Variants in EXOC6 observed in about 807,000 individuals in gnomAD.
EXOC6 encodes exocyst complex component 6.
EXOC6 carries 60 observed loss-of-function variants against 112.5 expected under a neutral mutation model. That is an observed-to-expected ratio of 0.53 (90% CI 0.43 to 0.66). The LOEUF (loss-of-function observed/expected upper bound fraction) is 0.66. Among genes scored for constraint, EXOC6 ranks in the 30% least tolerant of loss-of-function variants. The probability of loss-of-function intolerance (pLI) is 0.00; values close to 1 mark genes in which losing one functional copy is unlikely to be tolerated. For synonymous variants in EXOC6, 295 were observed against 308.0 expected (o/e 0.96, Z 0.44); for missense variants, 855 against 957.1 (o/e 0.89, Z 1.41).
intron 20 of EXOC6, among the ~76,000 whole-genome samples, chr10:93,037,145 T>C (rs1240276220): frequency 1.5e-5 from 2 of 137,164 alleles, no homozygotes; most frequent in East Asian, 2.0e-4. Context: ...CTTCTTCTAC[T>C]TTTTTTTTTT....
chr10:92,868,226 T>G (rs1848272409), intron 1 of EXOC6, among the ~76,000 whole-genome samples: 1 of 152,154 alleles, frequency 6.6e-6, no homozygotes, highest in African/African-American at 2.4e-5. Flanking sequence ...CATCTGATTC[T>G]GTTTGCATTT....
chr10:92,867,839 A>G (rs548502601), intron 1 of EXOC6, among the ~76,000 whole-genome samples: 2 of 152,282 alleles, frequency 1.3e-5, no homozygotes, highest in East Asian at 1.9e-4. Context: ...ACAAAAATAT[A>G]TCTGCATTTT....
intron 1 of EXOC6, among the ~76,000 whole-genome samples, chr10:92,837,197 T>C (rs942394412): frequency 6.6e-6 from 1 of 151,990 alleles, no homozygotes; most frequent in African/African-American, 2.4e-5. Flanking sequence ...AATATTCCAT[T>C]GTGAATCCCC....
chr10:92,972,892 C>G (rs1842356242), intron 17 of EXOC6, among the ~76,000 whole-genome samples: 1 of 152,162 alleles, frequency 6.6e-6, no homozygotes, highest in Non-Finnish European at 1.5e-5. Flanking sequence ...GTACACAGCC[C>G]TATGTATGTA....
At chr10:93,043,559 TC>T (rs376474150) in intron 20 of EXOC6, among the ~76,000 whole-genome samples, 20 of 152,346 alleles carry the variant, frequency 1.3e-4, no homozygotes, top group African/African-American at 4.6e-4. Flanking sequence ...TTGAGTTTTT[TC>T]TGATGGCCTA....
chr10:92,935,270 T>C (rs1852279394), intron 11 of EXOC6, among the ~76,000 whole-genome samples: 1 of 151,990 alleles, frequency 6.6e-6, no homozygotes, highest in African/African-American at 2.4e-5. Context: ...CAGCTCTGAA[T>C]ATATAAAATT....
intron 20 of EXOC6, among the ~76,000 whole-genome samples, chr10:93,051,382 G>C (rs1188642977): frequency 6.6e-6 from 1 of 152,230 alleles, no homozygotes; most frequent in Non-Finnish European, 1.5e-5. Context: ...AAGTCTAGCA[G>C]ATGGGACATT....
chr10:92,841,456 A>G (rs1846847968), intron 1 of EXOC6, among the ~76,000 whole-genome samples: 1 of 152,232 alleles, frequency 6.6e-6, no homozygotes, highest in Non-Finnish European at 1.5e-5. Flanking sequence ...ACCTGATTTA[A>G]TCTCTAATGA....
chr10:92,856,907 CTGTTA>C, intron 1 of EXOC6, among the ~76,000 whole-genome samples: 1 of 152,224 alleles, frequency 6.6e-6, no homozygotes, highest in African/African-American at 2.4e-5. Flanking sequence ...GTTTTAAAGT[CTGTTA>C]TGTCAGATAT....
chr10:92,973,831 A>G (rs926660370), intron 17 of EXOC6, among the ~76,000 whole-genome samples: 8 of 152,226 alleles, frequency 5.3e-5, no homozygotes, highest in African/African-American at 1.9e-4. Flanking sequence ...ATAAAGACAA[A>G]AAAAGGTGAT....
At chr10:93,004,197 T>C (rs990340775) in intron 19 of EXOC6, among the ~76,000 whole-genome samples, 1 of 152,176 alleles carries the variant, frequency 6.6e-6, no homozygotes, top group African/African-American at 2.4e-5. Context: ...AAAGAGTGAA[T>C]GAGTAAAGGT....
intron 1 of EXOC6, among the ~76,000 whole-genome samples, chr10:92,854,987 A>G (rs1178840650): frequency 6.6e-6 from 1 of 152,088 alleles, no homozygotes; most frequent in Non-Finnish European, 1.5e-5. Context: ...CCTAGGATAA[A>G]TCTCATTTGG....
At position 92,951,210 on chromosome 10, in the gene EXOC6, T is replaced by G. The variant is rs1254140853; in HGVS notation, c.1417-1063T>G. Among the ~76,000 whole-genome samples the G allele has an allele frequency of 2.0e-5, 3 of 152,256 alleles. No individual in the cohort carries two copies. In the East Asian group the frequency reaches 5.8e-4, roughly 29 times the overall value. ...ATGAATTTGGACTTAAGAGAAAGATTTGATCTGGAGTTGTAGATTTGGAGA... is the reference window on the plus strand; with the variant it reads ...ATGAATTTGGACTTAAGAGAAAGATGTGATCTGGAGTTGTAGATTTGGAGA... On this transcript the variant is annotated intron_variant, in intron 14 of 21. Transcript: ENST00000260762.
chr10:92,916,556 A>G (rs1177357539), intron 7 of EXOC6, among the ~76,000 whole-genome samples: 1 of 152,118 alleles, frequency 6.6e-6, no homozygotes, highest in Non-Finnish European at 1.5e-5. Context: ...GTCAATCCAA[A>G]ACTGTAAGGG....
upstream of EXOC6, among the ~76,000 whole-genome samples, chr10:92,832,725 C>T (rs1270094791): frequency 2.6e-5 from 4 of 151,410 alleles, no homozygotes; most frequent in Admixed American, 6.6e-5. Context: ...TTCAGTGGCC[C>T]GATCTTGGCT....
At chr10:92,855,222 A>ATT (rs201873015) in intron 1 of EXOC6, among the ~76,000 whole-genome samples, 1 of 151,778 alleles carries the variant, frequency 6.6e-6, no homozygotes, top group Non-Finnish European at 1.5e-5. Context: ...CTGGCATGAA[A>ATT]ATTTTTTTTT....
At chr10:92,881,190 T>C (rs1848943769) in intron 1 of EXOC6, among the ~76,000 whole-genome samples, 1 of 152,174 alleles carries the variant, frequency 6.6e-6, no homozygotes. Context: ...TTGTCATTTT[T>C]AGGATAGTCA....
At chr10:93,045,974 A>T (rs1006260781) in intron 20 of EXOC6, among the ~76,000 whole-genome samples, 17 of 152,246 alleles carry the variant, frequency 1.1e-4, no homozygotes, top group African/African-American at 3.4e-4. Context: ...ATTATAAAAC[A>T]TTACTAAAAT....
intron 20 of EXOC6, among the ~76,000 whole-genome samples, chr10:93,052,094 T>A (rs1266426132): frequency 6.6e-6 from 1 of 152,158 alleles, no homozygotes; most frequent in Non-Finnish European, 1.5e-5. Flanking sequence ...GCCCCTGAGG[T>A]GCTTCAAAAG....
Sources: allele counts gnomAD v4.1 joint callset (sites outside exome capture counted in the v4.1 genomes callset), GRCh38; gene constraint gnomAD v4.1.1; transcripts MANE v1.5; gene names NCBI Gene and HGNC (gene_info 2026-07-23, HGNC 2026-07-21).